ADAMTS12: variants seen among roughly 807,000 people sequenced by gnomAD.
ADAMTS12 encodes ADAM metallopeptidase with thrombospondin type 1 motif 12.
In ADAMTS12, 118 loss-of-function variants were observed where a neutral mutation model predicts 167.8. The ratio of observed to expected loss-of-function variants is 0.70; its 90% confidence interval spans 0.61 to 0.82. The LOEUF is 0.82. Among genes scored for constraint, ADAMTS12 ranks in the 40% least tolerant of loss-of-function variants. ADAMTS12 has a pLI of 0.00. For synonymous variants in ADAMTS12, 704 were observed against 716.9 expected (o/e 0.98, Z 0.29); for missense variants, 1,916 against 1,998.8 (o/e 0.96, Z 0.79).
chr5:33,690,460 GAA>G (rs35569469), intron 3 of ADAMTS12, among the ~76,000 whole-genome samples: 1 of 144,264 alleles, frequency 6.9e-6, no homozygotes, highest in Non-Finnish European at 1.5e-5. Context: ...ATAAGCACCT[GAA>G]AAAAAAAAAG....
chr5:33,697,902 G>A (rs910945458), intron 3 of ADAMTS12, among the ~76,000 whole-genome samples: 1 of 152,258 alleles, frequency 6.6e-6, no homozygotes, highest in South Asian at 2.1e-4. Flanking sequence ...GGCCAAGGAG[G>A]CACCCCTCTG....
intron 16 of ADAMTS12, among the ~76,000 whole-genome samples, chr5:33,604,697 C>T (rs1248408780): frequency 1.3e-5 from 2 of 151,972 alleles, no homozygotes; most frequent in Non-Finnish European, 2.9e-5. Flanking sequence ...CACCATGAGA[C>T]AACAGTTCTA....
chr5:33,849,569 ATGTGTATTG>A (rs1228725742), intron 2 of ADAMTS12, among the ~76,000 whole-genome samples: 3 of 140,602 alleles, frequency 2.1e-5, no homozygotes, highest in African/African-American at 7.7e-5. Flanking sequence ...AGCAATACAC[ATGTGTATTG>A]CATAGCAATA....
chr5:33,661,936 G>A lies in ADAMTS12; in HGVS notation c.1020C>T (p.Asp340=), dbSNP rs778079422. 18 of 1,613,272 alleles carry A rather than the reference G, an allele frequency of 1.1e-5. No individual in the cohort carries two copies. Among genetic ancestry groups the A allele is most frequent in the Admixed American group, 6.7e-5 (4 of 59,962 alleles). The change falls in exon 6 of 24, where the codon GAC becomes GAT. Residue 340 remains aspartate (D), a synonymous_variant. Transcript: ENST00000504830. The part of the protein sequence containing the change: ...PKSDLNPVHH[D]VAVLLTRKDI... ...TGTACCTGGTGAGAAGGACAGCCAC[G>A]TCGTGATGAACAGGATTGAGGTCAC...
intron 3 of ADAMTS12, among the ~76,000 whole-genome samples, chr5:33,693,768 C>T (rs377601948): frequency 1.1e-4 from 16 of 152,074 alleles, no homozygotes; most frequent in South Asian, 4.1e-4. Context: ...AAGATAAGGA[C>T]GCTCACTCCC....
intron 22 of ADAMTS12, among the ~76,000 whole-genome samples, chr5:33,538,458 C>T (rs1325731292): frequency 3.3e-5 from 5 of 152,134 alleles, no homozygotes; most frequent in Non-Finnish European, 5.9e-5. Flanking sequence ...CTCATGCCTC[C>T]CTGCTTCTGA....
rs1746073151 is a variant in ADAMTS12 at position 33,567,529 on chromosome 5, C to T, written c.3973-6350G>A. 3.3e-5 allele frequency among the ~76,000 whole-genome samples: 5 copies of T among 152,294 alleles called. No homozygotes were observed. In the South Asian group the frequency reaches 1.0e-3, roughly 32 times the overall value. On this transcript the variant is annotated intron_variant, in intron 19 of 23. Coordinates refer to ENST00000504830, the MANE Select transcript of ADAMTS12 (RefSeq NM_030955.4). ...TTGAAAGGTACTGGCAGGTGCCTCT[C>T]CCCAATGTTCCCTCCGCATCCGCAT...
chr5:33,771,091 A>G (rs1745722563), intron 2 of ADAMTS12, among the ~76,000 whole-genome samples: 1 of 152,158 alleles, frequency 6.6e-6, no homozygotes, highest in South Asian at 2.1e-4. Context: ...TCTCTGTATG[A>G]GAATTTCAGT....
At position 33,881,447 on chromosome 5, in the gene ADAMTS12, A is replaced by C; in HGVS notation, c.161T>G (p.Val54Gly). The change falls in exon 2 of 24, where the codon GTG (valine) becomes GGG (glycine). Residue 54 changes from valine (V) to glycine (G), a missense_variant. Val to Gly is a moderately radical substitution (Grantham distance 109). Coordinates refer to ENST00000504830, the MANE Select transcript of ADAMTS12 (RefSeq NM_030955.4). ...GGCATCTACTCGGACTGGACCCACCACGTGGTATTCTGGCAGGCCCTTGAT... is the reference window on the plus strand; with the variant it reads ...GGCATCTACTCGGACTGGACCCACCCCGTGGTATTCTGGCAGGCCCTTGAT... ...HFIKGLPEYH[V>G]VGPVRVDASG... The C allele has an allele frequency of 6.2e-7, 1 of 1,613,648 alleles. No homozygotes were observed. The highest frequency in any genetic ancestry group is 8.5e-7 in the Non-Finnish European group (1 of 1,179,922).
intron 3 of ADAMTS12, among the ~76,000 whole-genome samples, chr5:33,724,895 G>C (rs530382001): frequency 6.6e-6 from 1 of 152,096 alleles, no homozygotes; most frequent in Non-Finnish European, 1.5e-5. Flanking sequence ...CTCTCACCTC[G>C]TTGAGCCAAC....
chr5:33,660,399 A>G (rs1411101425), intron 6 of ADAMTS12, among the ~76,000 whole-genome samples: 2 of 152,230 alleles, frequency 1.3e-5, no homozygotes, highest in African/African-American at 4.8e-5. Flanking sequence ...ATAGTAGCCA[A>G]CTACCAGTGT....
intron 19 of ADAMTS12, among the ~76,000 whole-genome samples, chr5:33,571,669 A>C (rs1450802316): frequency 1.3e-5 from 2 of 151,166 alleles, no homozygotes; most frequent in East Asian, 3.9e-4. Context: ...TTGACACCCT[A>C]ACATCACAAT....
chr5:33,671,225 G>C (rs1187424775), intron 5 of ADAMTS12, among the ~76,000 whole-genome samples: 1 of 152,140 alleles, frequency 6.6e-6, no homozygotes, highest in Non-Finnish European at 1.5e-5. Flanking sequence ...TGAGGGAACT[G>C]TTCTAATGTT....
chr5:33,725,645 AG>A (rs1579877721), intron 3 of ADAMTS12, among the ~76,000 whole-genome samples: 1 of 152,248 alleles, frequency 6.6e-6, no homozygotes, highest in East Asian at 1.9e-4. Context: ...AAAGCCTGCA[AG>A]GAAACAGGCA....
intron 3 of ADAMTS12, among the ~76,000 whole-genome samples, chr5:33,702,464 T>C (rs930351050): frequency 2.0e-5 from 3 of 152,230 alleles, no homozygotes; most frequent in African/African-American, 4.8e-5. Flanking sequence ...TGGGAATGCA[T>C]AGTGGTGTAG....
At chr5:33,585,269 TG>T (rs1370496115) in intron 18 of ADAMTS12, among the ~76,000 whole-genome samples, 1 of 152,208 alleles carries the variant, frequency 6.6e-6, no homozygotes, top group African/African-American at 2.4e-5. Flanking sequence ...CCCACTGGGC[TG>T]CCCTTATTGC....
chr5:33,763,659 C>T (rs1326311765), intron 2 of ADAMTS12, among the ~76,000 whole-genome samples: 1 of 152,158 alleles, frequency 6.6e-6, no homozygotes, highest in Non-Finnish European at 1.5e-5. Context: ...GGGCATTGGC[C>T]GTGACCCACA....
At chr5:33,659,783 G>A (rs1031538633) in intron 6 of ADAMTS12, among the ~76,000 whole-genome samples, 1 of 152,180 alleles carries the variant, frequency 6.6e-6, no homozygotes, top group African/African-American at 2.4e-5. Flanking sequence ...ACTGAATGCT[G>A]TTCTGTAGAG....
intron 3 of ADAMTS12, among the ~76,000 whole-genome samples, chr5:33,711,650 A>T (rs531776547): frequency 6.6e-6 from 1 of 152,138 alleles, no homozygotes; most frequent in Non-Finnish European, 1.5e-5. Context: ...TGTACAATCA[A>T]TGTTAATAAA....
Sources: gnomAD v4.1 joint callset for allele counts (sites outside exome capture counted in the v4.1 genomes callset) on GRCh38, gnomAD v4.1.1 for gene constraint, MANE v1.5 for transcripts, NCBI Gene and HGNC (gene_info 2026-07-23, HGNC 2026-07-21) for gene names.